SNTB1: variants seen among roughly 807,000 people sequenced by gnomAD.
SNTB1 encodes the protein beta-1-syntrophin.
SNTB1 carries 36 observed loss-of-function variants against 48.9 expected under a neutral mutation model. The observed-to-expected ratio is 0.74, with a 90% CI of 0.56 to 0.97. SNTB1 has a LOEUF of 0.97. SNTB1 is among the 50% of genes least tolerant of loss of function. The probability of loss-of-function intolerance (pLI) is 0.00; values close to 1 mark genes in which losing one functional copy is unlikely to be tolerated. For missense variants in SNTB1, 786 were observed against 703.4 expected, an observed-to-expected ratio of 1.12 and a Z score of -1.33; for synonymous variants, 299 against 294.6, an observed-to-expected ratio of 1.01 and a Z score of -0.15.
intron 3 of SNTB1, among the ~76,000 whole-genome samples, chr8:120,588,988 C>A (rs1432276216): frequency 6.6e-6 from 1 of 152,108 alleles, no homozygotes; most frequent in African/African-American, 2.4e-5. Context: ...ATGTATATAC[C>A]ACTCATTTTC....
chr8:120,590,684 TC>T (rs56979612), intron 3 of SNTB1, among the ~76,000 whole-genome samples: 19,233 of 133,726 alleles, frequency 0.14, 1,881 homozygotes, highest in East Asian at 0.38. Flanking sequence ...TCTTTTCTTT[TC>T]TTTTTTTTTT....
chr8:120,571,899 A>G (rs1285419149), intron 4 of SNTB1, among the ~76,000 whole-genome samples: 2 of 152,084 alleles, frequency 1.3e-5, no homozygotes. Context: ...TTACTTTTAA[A>G]TTTTATTTTT....
rs529869597 is a variant in SNTB1 at position 120,546,954 on chromosome 8, G to A, written c.1333+1808C>T. ...TGTTGGATCAGTGGCATAACTGTGGGAAGTTCCTTGTCTCTGTAGAAACTA... is the reference window on the plus strand; with the variant it reads ...TGTTGGATCAGTGGCATAACTGTGGAAAGTTCCTTGTCTCTGTAGAAACTA... On this transcript the variant is annotated intron_variant, in intron 5 of 6. Transcript: ENST00000517992. Among the ~76,000 whole-genome samples, 4 of 152,310 alleles carry A rather than the reference G, an allele frequency of 2.6e-5. No homozygotes were observed. The East Asian group carries it at 7.7e-4, about 29-fold the overall frequency.
intron 4 of SNTB1, chr8:120,571,087 T>A (rs1329105829): frequency 8.4e-5 from 56 of 662,732 alleles, no homozygotes; most frequent in Non-Finnish European, 4.8e-5. Flanking sequence ...AAATGTTGAC[T>A]GATGAATGAA....
At chr8:120,670,143 C>G (rs1022763564) in intron 2 of SNTB1, among the ~76,000 whole-genome samples, 1 of 152,108 alleles carries the variant, frequency 6.6e-6, no homozygotes, top group Non-Finnish European at 1.5e-5. Context: ...AGGACACAAA[C>G]GAAATATGGG....
chr8:120,772,321 C>T (rs1819651547), intron 1 of SNTB1, among the ~76,000 whole-genome samples: 1 of 151,960 alleles, frequency 6.6e-6, no homozygotes, highest in South Asian at 2.1e-4. Context: ...TCTCGGCTCA[C>T]TGCACCCTCT....
intron 2 of SNTB1, among the ~76,000 whole-genome samples, chr8:120,686,284 G>A (rs1056850741): frequency 2.6e-5 from 4 of 152,164 alleles, no homozygotes; most frequent in Admixed American, 6.5e-5. Context: ...TATTCAGGCT[G>A]CTATAAAAAA....
At chr8:120,623,467 C>T (rs1386698007) in intron 3 of SNTB1, among the ~76,000 whole-genome samples, 1 of 152,206 alleles carries the variant, frequency 6.6e-6, no homozygotes, top group Non-Finnish European at 1.5e-5. Context: ...CACATCCTCC[C>T]CTAGGAACCA....
chr8:120,560,280 C>T (rs564683831), intron 4 of SNTB1, among the ~76,000 whole-genome samples: 28 of 152,234 alleles, frequency 1.8e-4, no homozygotes, highest in Non-Finnish European at 2.5e-4. Context: ...GTCAGGAGTT[C>T]GAGACCAGCC....
chr8:120,716,000 T>A (rs574493614), intron 1 of SNTB1, among the ~76,000 whole-genome samples: 35 of 152,286 alleles, frequency 2.3e-4, no homozygotes, highest in Non-Finnish European at 3.8e-4. Flanking sequence ...CATCCTGAGT[T>A]CCACAGAACC....
intron 3 of SNTB1, among the ~76,000 whole-genome samples, chr8:120,576,564 T>C (rs1043415116): frequency 1.3e-5 from 2 of 152,208 alleles, no homozygotes; most frequent in Non-Finnish European, 2.9e-5. Flanking sequence ...TGTTATTTAT[T>C]GCCTGTGTGA....
At chr8:120,798,974 T>C (rs545262144) in intron 1 of SNTB1, among the ~76,000 whole-genome samples, 1 of 152,138 alleles carries the variant, frequency 6.6e-6, no homozygotes, top group African/African-American at 2.4e-5. Context: ...AAGGCATCTT[T>C]TTGTTGGGAG....
intron 1 of SNTB1, among the ~76,000 whole-genome samples, chr8:120,716,171 CATAA>C (rs1206596520): frequency 6.6e-6 from 1 of 151,456 alleles, no homozygotes; most frequent in Non-Finnish European, 1.5e-5. Context: ...TGAATGTATA[CATAA>C]ATGAATGAAT....
At chr8:120,794,611 G>A (rs548553800) in intron 1 of SNTB1, among the ~76,000 whole-genome samples, 17 of 152,098 alleles carry the variant, frequency 1.1e-4, no homozygotes, top group African/African-American at 3.9e-4. Context: ...TCAAGAGACC[G>A]ATTCTTTGAT....
intron 1 of SNTB1, among the ~76,000 whole-genome samples, chr8:120,788,515 T>C (rs1404450475): frequency 6.6e-6 from 1 of 151,992 alleles, no homozygotes; most frequent in Non-Finnish European, 1.5e-5. Context: ...TAAGGAATCT[T>C]ATGGACCCAA....
At chr8:120,565,764 ACCCACCATGCTGTGGTTTG>A (rs1296858745) in intron 4 of SNTB1, among the ~76,000 whole-genome samples, 2 of 152,160 alleles carry the variant, frequency 1.3e-5, no homozygotes, top group African/African-American at 4.8e-5. Context: ...GGAGTTCCCC[ACCCACCATGCTGTGGTTTG>A]AACGTCTGTG....
intron 4 of SNTB1, among the ~76,000 whole-genome samples, chr8:120,564,869 C>A (rs1815724759): frequency 6.6e-6 from 1 of 152,106 alleles, no homozygotes; most frequent in Non-Finnish European, 1.5e-5. Context: ...CTGCGCCCAG[C>A]CTATGATTCT....
At chr8:120,559,772 A>T (rs1264617338) in intron 4 of SNTB1, among the ~76,000 whole-genome samples, 2 of 152,228 alleles carry the variant, frequency 1.3e-5, no homozygotes, top group Non-Finnish European at 2.9e-5. Flanking sequence ...AAGCATTATT[A>T]TTAATATCCT....
At chr8:120,565,725 C>T (rs899457158) in intron 4 of SNTB1, among the ~76,000 whole-genome samples, 4 of 152,174 alleles carry the variant, frequency 2.6e-5, no homozygotes, top group South Asian at 2.1e-4. Context: ...TGAAGAACCA[C>T]GGGGTAAGAA....
Sources: gnomAD v4.1 joint callset for allele counts (sites outside exome capture counted in the v4.1 genomes callset) on GRCh38, gnomAD v4.1.1 for gene constraint, MANE v1.5 for transcripts, NCBI Gene and HGNC (gene_info 2026-07-23, HGNC 2026-07-21) for gene names.